GABRB2: variants seen among roughly 807,000 people sequenced by gnomAD.
The protein encoded by GABRB2 is gamma-aminobutyric acid receptor subunit beta-2.
Under a neutral mutation model 54.7 loss-of-function variants are expected in GABRB2, and 16 were observed. The observed-to-expected ratio is 0.29, with a 90% CI of 0.20 to 0.44. The LOEUF (loss-of-function observed/expected upper bound fraction) is 0.44. GABRB2 is among the 20% of genes least tolerant of loss of function. The probability of loss-of-function intolerance (pLI) is 1.00; values close to 1 mark genes in which losing one functional copy is unlikely to be tolerated. For synonymous variants in GABRB2, 244 were observed against 233.8 expected (o/e 1.04, Z -0.40); for missense variants, 355 against 644.0 (o/e 0.55, Z 4.86).
At chr5:161,415,220 C>T (rs1417891504) in intron 4 of GABRB2, among the ~76,000 whole-genome samples, 1 of 152,138 alleles carries the variant, frequency 6.6e-6, no homozygotes, top group African/African-American at 2.4e-5. Flanking sequence ...TCAATGATGC[C>T]TCAAGAATGT....
intron 4 of GABRB2, among the ~76,000 whole-genome samples, chr5:161,454,237 G>A (rs1757881637): frequency 6.6e-6 from 1 of 152,120 alleles, no homozygotes; most frequent in Non-Finnish European, 1.5e-5. Flanking sequence ...TGGGGATTGA[G>A]GGTCTCAGTT....
chr5:161,326,789 C>T (rs950065023), intron 8 of GABRB2, among the ~76,000 whole-genome samples: 1 of 152,008 alleles, frequency 6.6e-6, no homozygotes, highest in Non-Finnish European at 1.5e-5. Context: ...ATAAAGAACA[C>T]CCTTAAATGG....
At chr5:161,386,556 AT>A (rs900263515) in intron 5 of GABRB2, among the ~76,000 whole-genome samples, 1 of 152,056 alleles carries the variant, frequency 6.6e-6, no homozygotes, top group African/African-American at 2.4e-5. Flanking sequence ...ACTTTTTAAA[AT>A]TTTTTTGAGA....
Position 161,326,444 on chromosome 5 carries a change from T to C in GABRB2, c.1115A>G (p.Tyr372Cys). The C allele has an allele frequency of 6.2e-7, 1 of 1,613,658 alleles. No homozygotes were observed. The highest frequency in any genetic ancestry group is 8.5e-7 in the Non-Finnish European group (1 of 1,179,664). ...YKDIKQNGTQ[Y>C]RSLWDPTGNL... is the part of the protein sequence containing the mutation. ...TCCAGTAGGGTCCCACAAGGATCGA[T>C]ATTGGGTCCCATTTTGTTTAATATC... Residue 372 changes from tyrosine (Y) to cysteine (C), a missense_variant, in exon 9 of 10, where the codon TAT (tyrosine) becomes TGT (cysteine). Around this residue, in one of 6 missense-constraint regions of GABRB2, gnomAD observed 201 missense variants for 228.1 expected, o/e 0.88. Coordinates refer to ENST00000393959, the MANE Select transcript of GABRB2 (RefSeq NM_001371727.1).
intron 3 of GABRB2, among the ~76,000 whole-genome samples, chr5:161,526,044 T>C (rs999406869): frequency 4.0e-5 from 6 of 151,382 alleles, no homozygotes; most frequent in Non-Finnish European, 8.9e-5. Flanking sequence ...ACATTTGATA[T>C]AACCAACACA....
chr5:161,527,818 G>C (rs1760331235), intron 3 of GABRB2, among the ~76,000 whole-genome samples: 1 of 151,516 alleles, frequency 6.6e-6, no homozygotes, highest in South Asian at 2.1e-4. Context: ...TATACTGACA[G>C]AAATGCCCAG....
chr5:161,510,317 A>AT (rs2113402428), intron 3 of GABRB2, among the ~76,000 whole-genome samples: 1 of 146,618 alleles, frequency 6.8e-6, no homozygotes, highest in African/African-American at 2.5e-5. Context: ...AATTGCTTTG[A>AT]TTTTTTAGAC....
intron 5 of GABRB2, among the ~76,000 whole-genome samples, chr5:161,402,113 A>T (rs1278238048): frequency 1.3e-5 from 2 of 151,738 alleles, no homozygotes; most frequent in Non-Finnish European, 2.9e-5. Flanking sequence ...TCATACATAT[A>T]AAATCATGGT....
chr5:161,464,229 T>G (rs542763459), intron 3 of GABRB2, among the ~76,000 whole-genome samples: 1 of 152,020 alleles, frequency 6.6e-6, no homozygotes. Context: ...TCCATAAATA[T>G]AAGCATATAA....
intron 5 of GABRB2, among the ~76,000 whole-genome samples, chr5:161,362,961 A>G (rs1243513756): frequency 6.6e-6 from 1 of 152,190 alleles, no homozygotes; most frequent in Admixed American, 6.5e-5. Context: ...ATTATGGAAG[A>G]CAGTGTGGCG....
intron 5 of GABRB2, among the ~76,000 whole-genome samples, chr5:161,348,355 A>G (rs982721749): frequency 1.3e-5 from 2 of 152,106 alleles, no homozygotes; most frequent in African/African-American, 4.8e-5. Flanking sequence ...TAAGAAGACT[A>G]TATTGCTATA....
chr5:161,343,125 G>A (rs746923314), intron 5 of GABRB2, among the ~76,000 whole-genome samples: 1 of 151,954 alleles, frequency 6.6e-6, no homozygotes, highest in Non-Finnish European at 1.5e-5. Flanking sequence ...ACTCAATATC[G>A]AAAGTGTTCC....
At chr5:161,386,525 T>C (rs1755642942) in intron 5 of GABRB2, among the ~76,000 whole-genome samples, 1 of 152,124 alleles carries the variant, frequency 6.6e-6, no homozygotes, top group South Asian at 2.1e-4. Context: ...ACCAATATAT[T>C]TGAAAAATAT....
intron 3 of GABRB2, among the ~76,000 whole-genome samples, chr5:161,482,209 G>A (rs757900306): frequency 5.3e-5 from 8 of 152,006 alleles, no homozygotes; most frequent in African/African-American, 9.7e-5. Context: ...CACGAGGTGT[G>A]CATGTGTTTC....
intron 4 of GABRB2, among the ~76,000 whole-genome samples, chr5:161,427,120 CA>C (rs1315382984): frequency 6.6e-6 from 1 of 152,102 alleles, no homozygotes; most frequent in Non-Finnish European, 1.5e-5. Flanking sequence ...CTTCATATTT[CA>C]GTGAAATGAT....
At chr5:161,443,218 T>C (rs911762106) in intron 4 of GABRB2, among the ~76,000 whole-genome samples, 3 of 152,212 alleles carry the variant, frequency 2.0e-5, no homozygotes, top group Non-Finnish European at 4.4e-5. Context: ...GTTCTATCCA[T>C]GCCTACAGAA....
At chr5:161,476,806 G>C (rs1421359468) in intron 3 of GABRB2, among the ~76,000 whole-genome samples, 1 of 151,788 alleles carries the variant, frequency 6.6e-6, no homozygotes, top group Non-Finnish European at 1.5e-5. Context: ...TGGATTAAAG[G>C]CCTAAATGTA....
At chr5:161,520,376 T>A (rs1171343275) in intron 3 of GABRB2, among the ~76,000 whole-genome samples, 1 of 152,158 alleles carries the variant, frequency 6.6e-6, no homozygotes, top group Non-Finnish European at 1.5e-5. Context: ...TTTGCTTTGC[T>A]AATTTGTATT....
chr5:161,420,206 C>T (rs954082249), intron 4 of GABRB2, among the ~76,000 whole-genome samples: 4 of 151,978 alleles, frequency 2.6e-5, no homozygotes, highest in Admixed American at 2.0e-4. Flanking sequence ...AGTTTTATCC[C>T]AGTCTTTTAA....
Sources: gnomAD v4.1 joint callset for allele counts (sites outside exome capture counted in the v4.1 genomes callset) on GRCh38, gnomAD v4.1.1 for gene constraint, gnomAD v4.1.1 regional missense constraint, MANE v1.5 for transcripts, NCBI Gene and HGNC (gene_info 2026-07-23, HGNC 2026-07-21) for gene names.